NSMAF: variants seen among roughly 807,000 people sequenced by gnomAD.
NSMAF encodes protein FAN.
Under a neutral mutation model 134.9 loss-of-function variants are expected in NSMAF, and 90 were observed. That is an observed-to-expected ratio of 0.67 (90% CI 0.56 to 0.79). The LOEUF (loss-of-function observed/expected upper bound fraction) is 0.79, where lower values mean the gene tolerates loss of function less well. Ranked by LOEUF, NSMAF falls within the 30% of genes least tolerant of loss-of-function variation. The pLI is 0.00. For missense variants in NSMAF, 1,010 were observed against 1,119.0 expected, an observed-to-expected ratio of 0.90 and a Z score of 1.39; for synonymous variants, 358 against 389.6, an observed-to-expected ratio of 0.92 and a Z score of 0.96.
intron 11 of NSMAF, among the ~76,000 whole-genome samples, chr8:58,606,859 G>A (rs1806421635): frequency 1.3e-5 from 2 of 152,200 alleles, no homozygotes; most frequent in East Asian, 1.9e-4. Context: ...GGCTTATAAT[G>A]GCGAATAAAT....
chr8:58,600,998 T>C (rs1207616508), intron 16 of NSMAF, among the ~76,000 whole-genome samples: 1 of 152,136 alleles, frequency 6.6e-6, no homozygotes, highest in Admixed American at 6.5e-5. Context: ...GATACAATAA[T>C]TTTAAAAAAG....
chr8:58,609,434 T>C (rs1434975891), intron 10 of NSMAF, among the ~76,000 whole-genome samples, 170 bp downstream of exon 10: 1 of 152,256 alleles, frequency 6.6e-6, no homozygotes, highest in Admixed American at 6.5e-5. Context: ...AGACTACACA[T>C]CACGATTACA....
intron 10 of NSMAF, among the ~76,000 whole-genome samples, chr8:58,608,170 G>T (rs1806450767): frequency 6.6e-6 from 1 of 152,190 alleles, no homozygotes; most frequent in African/African-American, 2.4e-5. Context: ...GAAATATAAA[G>T]AACTGGCATA....
At chr8:58,627,624 AT>A (rs1160376490) in intron 6 of NSMAF, among the ~76,000 whole-genome samples, 7 of 152,234 alleles carry the variant, frequency 4.6e-5, no homozygotes, top group Non-Finnish European at 8.8e-5. Flanking sequence ...TGCAAAAAAA[AT>A]AAAATAAAAT....
chr8:58,613,954 T>A (rs1440390299), intron 9 of NSMAF, among the ~76,000 whole-genome samples: 7 of 152,178 alleles, frequency 4.6e-5, no homozygotes, highest in Non-Finnish European at 1.0e-4. Context: ...GGACTTAAAA[T>A]GTTTGAATTA....
At chr8:58,657,269 C>T (rs1807739346) in intron 1 of NSMAF, among the ~76,000 whole-genome samples, 1 of 152,186 alleles carries the variant, frequency 6.6e-6, no homozygotes, top group Non-Finnish European at 1.5e-5. Flanking sequence ...TTTCAAGTTT[C>T]TTTTCTGGGG....
At chr8:58,633,054 G>A (rs528791981) in intron 5 of NSMAF, among the ~76,000 whole-genome samples, 1 of 152,098 alleles carries the variant, frequency 6.6e-6, no homozygotes, top group Non-Finnish European at 1.5e-5. Context: ...TCTTGCCCTG[G>A]TTTGTACAGC....
At chr8:58,592,909 AACAAC>A (rs763694629) in intron 23 of NSMAF, among the ~76,000 whole-genome samples, 3 of 132,348 alleles carry the variant, frequency 2.3e-5, no homozygotes, top group Non-Finnish European at 4.5e-5. Context: ...AAACAAAAAC[AACAAC>A]AACAAAAAAA....
chr8:58,652,130 G>C (rs1196343606), intron 1 of NSMAF, among the ~76,000 whole-genome samples: 1 of 151,940 alleles, frequency 6.6e-6, no homozygotes, highest in Non-Finnish European at 1.5e-5. Flanking sequence ...AAAACTTTTA[G>C]CTTTAGGAAG....
At chr8:58,612,716 G>A (rs888813907) in intron 9 of NSMAF, among the ~76,000 whole-genome samples, 3 of 152,142 alleles carry the variant, frequency 2.0e-5, no homozygotes, top group African/African-American at 7.2e-5. Flanking sequence ...GAATCGAATT[G>A]TAGAATACCC....
chr8:58,620,429 G>A (rs1456678878), intron 9 of NSMAF, among the ~76,000 whole-genome samples: 1 of 152,214 alleles, frequency 6.6e-6, no homozygotes, highest in Non-Finnish European at 1.5e-5. Context: ...GTAAATAAGA[G>A]CTAGCACCTA....
rs1207983726 is a variant in NSMAF, at chr8:58,587,676, A to C, written c.2237T>G (p.Met746Arg). 3 of 1,614,172 alleles carry C rather than the reference A, an allele frequency of 1.9e-6. No homozygotes were observed. Among genetic ancestry groups the C allele is most frequent in the South Asian group, 1.1e-5 (1 of 91,082 alleles). Residue 746 changes from methionine (M) to arginine (R), a missense_variant, in exon 27 of 31, where the codon ATG (methionine) becomes AGG (arginine). Coordinates refer to ENST00000038176, the MANE Select transcript of NSMAF (RefSeq NM_003580.4). ...VKVWSGVPAEMPGTKRHHFDL... is the reference protein window; with the variant it reads ...VKVWSGVPAERPGTKRHHFDL... The stretch of plus-strand genomic sequence containing the variant: ...AAAGTGGTGTCTTTTGGTGCCTGGC[A>C]TCTCTGCAGGAACACCAGACCACAC...
In NSMAF at chr8:58,588,903, C is replaced by T. The variant is rs535499454; in HGVS notation, c.2211+549G>A. On this transcript the variant is annotated intron_variant, in intron 26 of 30. Transcript: ENST00000038176. ...CTCTGCTATTGAATGAATGCTAGACCATTCATCCCACAATGGAATACACAG... is the reference window on the plus strand; with the variant it reads ...CTCTGCTATTGAATGAATGCTAGACTATTCATCCCACAATGGAATACACAG... The T allele has an allele frequency of 8.9e-4, 572 of 643,792 alleles. 4 individuals carry two copies. In the African/African-American group the frequency reaches 9.8e-3, roughly 11 times the overall value. The allele number at this position is 643,792 out of a possible 1,614,324, so 39.9% of individuals were successfully genotyped here.
intron 2 of NSMAF, among the ~76,000 whole-genome samples, chr8:58,639,104 G>A (rs1807270063): frequency 6.6e-6 from 1 of 152,054 alleles, no homozygotes. Flanking sequence ...CTAACACGGT[G>A]AAACCCCGTC....
chr8:58,648,466 G>A (rs1266413828), intron 1 of NSMAF, among the ~76,000 whole-genome samples: 2 of 152,240 alleles, frequency 1.3e-5, no homozygotes, highest in Non-Finnish European at 2.9e-5. Flanking sequence ...TTGCATGCTA[G>A]AGAGATGAGC....
At chr8:58,647,414 G>A (rs1196150104) in intron 1 of NSMAF, among the ~76,000 whole-genome samples, 3 of 152,152 alleles carry the variant, frequency 2.0e-5, no homozygotes, top group Non-Finnish European at 4.4e-5. Context: ...ACCCACCATT[G>A]GAAACATCCC....
rs1369786143 is a variant in NSMAF at position 58,659,665 on chromosome 8, G to A, written c.-34C>T. ...GGCGCGGGCGGGCGCAGAGCGCACA[G>A]GCAGGCCCCGCCGCCGCCTGCCGAG... is the stretch of plus-strand genomic sequence containing the variant. On this transcript the variant is annotated 5_prime_UTR_variant, in exon 1 of 31. Coordinates refer to ENST00000038176, the MANE Select transcript of NSMAF (RefSeq NM_003580.4). 11 of 1,366,838 alleles carry A rather than the reference G, an allele frequency of 8.0e-6. No individual in the cohort carries two copies. Among genetic ancestry groups the A allele is most frequent in the Non-Finnish European group, 1.0e-5 (11 of 1,058,276 alleles). 84.7% of individuals were successfully genotyped at this position (1,366,838 alleles called of 1,614,324 possible). A position where few individuals can be genotyped will look rare whatever the true frequency, so the allele number is the denominator to read the frequency against.
intron 23 of NSMAF, among the ~76,000 whole-genome samples, chr8:58,593,392 C>G (rs1274035417): frequency 1.3e-5 from 2 of 152,160 alleles, no homozygotes; most frequent in African/African-American, 4.8e-5. Flanking sequence ...AGTAGTAATT[C>G]TGATTTTCCT....
intron 1 of NSMAF, chr8:58,659,060 G>A (rs1267441612): frequency 2.8e-6 from 2 of 706,996 alleles, no homozygotes; most frequent in Non-Finnish European, 4.3e-6. Flanking sequence ...GGAAAAAGGC[G>A]CGGCAATGCG....
Sources: gnomAD v4.1 joint callset for allele counts (sites outside exome capture counted in the v4.1 genomes callset) on GRCh38, gnomAD v4.1.1 for gene constraint, MANE v1.5 for transcripts, NCBI Gene and HGNC (gene_info 2026-07-23, HGNC 2026-07-21) for gene names.